CSF2RA: variants seen among roughly 807,000 people sequenced by gnomAD.
CSF2RA encodes colony stimulating factor 2 receptor subunit alpha.
Under a neutral mutation model 51.6 loss-of-function variants are expected in CSF2RA, and 42 were observed. The observed-to-expected ratio is 0.81, with a 90% CI of 0.64 to 1.05. The LOEUF (loss-of-function observed/expected upper bound fraction) is 1.05. Among genes scored for constraint, CSF2RA ranks in the 50% least tolerant of loss-of-function variants. The pLI is 0.00. For missense variants in CSF2RA, 530 were observed against 501.1 expected (o/e 1.06, Z -0.55); for synonymous variants, 222 against 193.0 (o/e 1.15, Z -1.24).
rs201554870 is a variant in CSF2RA, at chrX:1,290,488, C to G, written c.625C>G (p.Leu209Val). 280 of 1,613,816 alleles carry G rather than the reference C, an allele frequency of 1.7e-4. No homozygotes were observed. The highest frequency in any genetic ancestry group is 2.3e-4 in the Non-Finnish European group (266 of 1,179,806). ...REIGIQFFDS[L>V]LDTKKIERFN... ...AATTGGCATCCAATTCTTTGATTCA[C>G]TTTTGGACACAAAGAAAATAGGTGA... is the stretch of plus-strand genomic sequence containing the variant. Residue 209 changes from leucine (L) to valine (V), a missense_variant, in exon 7 of 13, where the codon CTT becomes GTT. By Grantham distance (32) the Leu-to-Val change is conservative (BLOSUM62 1). Transcript: ENST00000381529.
chrX:1,289,031 G>T, intron 6 of CSF2RA, 143 bp downstream of exon 6: 1 of 1,126,502 alleles, frequency 8.9e-7, no homozygotes, highest in Non-Finnish European at 1.3e-6. Flanking sequence ...GTGCCACCTC[G>T]GCTCACTGCA....
intron 9 of CSF2RA, 77 bp from the exon 10 acceptor site, chrX:1,300,414 G>T: frequency 6.5e-7 from 1 of 1,544,148 alleles, no homozygotes. Context: ...AAACTTAAAA[G>T]ACAAAAGAAC....
At chrX:1,304,651 TTTG>T (rs1441029530) in intron 11 of CSF2RA, among the ~76,000 whole-genome samples, 14 of 109,014 alleles carry the variant, frequency 1.3e-4, no homozygotes, top group East Asian at 1.3e-3. Context: ...TGGGTTTTTT[TTTG>T]TTTGTTTGTT....
chrX:1,276,268 A>C (rs1427232663), intron 2 of CSF2RA, among the ~76,000 whole-genome samples: 1 of 152,034 alleles, frequency 6.6e-6, no homozygotes, highest in South Asian at 2.1e-4. Flanking sequence ...TCCTGACCTC[A>C]CATGATCTGC....
chrX:1,276,925 G>A (rs1275679084), intron 2 of CSF2RA, among the ~76,000 whole-genome samples: 1 of 150,696 alleles, frequency 6.6e-6, no homozygotes, highest in Non-Finnish European at 1.5e-5. Context: ...ATGGTGAAAT[G>A]CTATCTCTAC....
intron 1 of CSF2RA, among the ~76,000 whole-genome samples, chrX:1,273,509 A>T (rs1326961887): frequency 4.0e-5 from 6 of 149,346 alleles, no homozygotes; most frequent in Admixed American, 3.4e-4. Context: ...TTTTTTTTTT[A>T]GTAGAGATGG....
chrX:1,287,375 A>C (rs1244409108), intron 4 of CSF2RA, among the ~76,000 whole-genome samples: 4 of 149,316 alleles, frequency 2.7e-5, no homozygotes, highest in Admixed American at 1.3e-4. Context: ...GCTGGTCTCC[A>C]ACTCCTGACC....
chrX:1,325,174 C>A, the CSF2RA span, among the ~76,000 whole-genome samples: 1 of 150,114 alleles, frequency 6.7e-6, no homozygotes, highest in Non-Finnish European at 1.5e-5. Flanking sequence ...GCCTGGCCAA[C>A]GTGTTGAAAC....
chrX:1,317,084 C>A, the CSF2RA span, among the ~76,000 whole-genome samples: 1 of 146,224 alleles, frequency 6.8e-6, no homozygotes, highest in Non-Finnish European at 1.5e-5. Context: ...GTAGCTGGGA[C>A]TACAGGTGCC....
chrX:1,268,982 A>T (rs773550352), intron 1 of CSF2RA, 103 bp downstream of exon 1: 4 of 422,258 alleles, frequency 9.5e-6, no homozygotes, highest in African/African-American at 8.2e-5. Context: ...CTGAACTGGA[A>T]CATAAGATTT....
intron 2 of CSF2RA, among the ~76,000 whole-genome samples, chrX:1,280,437 C>G (rs1257259784): frequency 2.0e-5 from 3 of 147,140 alleles, no homozygotes; most frequent in Admixed American, 6.9e-5. Context: ...CACCACTGCA[C>G]TCCAGCCTGG....
Position 1,300,560 on chromosome X carries a change from G to A in CSF2RA, c.880G>A (p.Val294Met), listed in dbSNP as rs776466520. ...PSSEPRAKHS[V>M]KIRAADVRIL... ...CTCTGAGCCCAGAGCAAAACACAGT[G>A]TGAAGATCAGAGCTGCAGACGTCCG... The change falls in exon 10 of 13, where the codon GTG becomes ATG. Residue 294 changes from valine (V) to methionine (M), a missense_variant. By Grantham distance (21) the Val-to-Met change is conservative. Coordinates refer to ENST00000381529, the MANE Select transcript of CSF2RA (RefSeq NM_172245.4). 3 of 1,613,946 alleles carry A rather than the reference G, an allele frequency of 1.9e-6. No individual in the cohort carries two copies. In the South Asian group the frequency reaches 3.3e-5, roughly 18 times the overall value.
intron 2 of CSF2RA, among the ~76,000 whole-genome samples, chrX:1,276,222 C>G (rs1251333998): frequency 6.6e-6 from 1 of 151,392 alleles, no homozygotes; most frequent in Non-Finnish European, 1.5e-5. Flanking sequence ...TCAGTAGACA[C>G]AGGGTTTCAC....
chrX:1,304,148 C>A, intron 11 of CSF2RA, 129 bp downstream of exon 11: 1 of 823,176 alleles, frequency 1.2e-6, no homozygotes, highest in East Asian at 2.5e-5. Flanking sequence ...TTGGCTCATG[C>A]CTGTAATCCC....
the CSF2RA span, among the ~76,000 whole-genome samples, chrX:1,322,448 T>TG: frequency 2.0e-5 from 3 of 149,036 alleles, no homozygotes; most frequent in Non-Finnish European, 4.5e-5. Flanking sequence ...TGTTTTTTTT[T>TG]TTTTTTTTTT....
chrX:1,316,584 A>G, the CSF2RA span, among the ~76,000 whole-genome samples: 2 of 152,224 alleles, frequency 1.3e-5, no homozygotes. Flanking sequence ...GGAGAAAGGT[A>G]TGTCCTGGAG....
At chrX:1,321,422 T>C in the CSF2RA span, among the ~76,000 whole-genome samples, 1 of 151,808 alleles carries the variant, frequency 6.6e-6, no homozygotes, top group Middle Eastern at 3.4e-3. Context: ...TGAGCCGAGA[T>C]CGTGCCACTG....
chrX:1,313,178 C>T (rs1202888764), downstream of CSF2RA, among the ~76,000 whole-genome samples: 10 of 152,214 alleles, frequency 6.6e-5, no homozygotes, highest in East Asian at 1.9e-3. Flanking sequence ...AATCCCAGCG[C>T]TTTGCCAGGC....
At chrX:1,274,654 T>A (rs1473034421) in intron 1 of CSF2RA, 101 bp from the exon 2 acceptor site, 2 of 435,480 alleles carry the variant, frequency 4.6e-6, no homozygotes, top group Non-Finnish European at 9.1e-6. Context: ...ACCTTTGTAG[T>A]ACCTTATTTA....
Sources: gnomAD v4.1 joint callset for allele counts (sites outside exome capture counted in the v4.1 genomes callset) on GRCh38, gnomAD v4.1.1 for gene constraint, MANE v1.5 for transcripts, NCBI Gene and HGNC (gene_info 2026-07-23, HGNC 2026-07-21) for gene names.